BFSP1: variants seen among roughly 807,000 people sequenced by gnomAD.
BFSP1 encodes beaded filament structural protein 1.
Under a neutral mutation model 43.9 loss-of-function variants are expected in BFSP1, and 38 were observed. That is an observed-to-expected ratio of 0.87 (90% CI 0.67 to 1.14). BFSP1 has a LOEUF of 1.14. Ranked by LOEUF, BFSP1 falls within the 50% of genes most tolerant of loss-of-function variation. The pLI is 0.00. For missense variants in BFSP1, 850 were observed against 875.1 expected (o/e 0.97, Z 0.36); for synonymous variants, 352 against 354.8 (o/e 0.99, Z 0.09).
intron 1 of BFSP1, among the ~76,000 whole-genome samples, chr20:17,526,330 C>T (rs1055460136): frequency 1.3e-5 from 2 of 152,134 alleles, no homozygotes; most frequent in Non-Finnish European, 2.9e-5. Context: ...ACTCCCCATT[C>T]TCCCCATCCC....
At chr20:17,535,012 C>A (rs1282575591), upstream of BFSP1, among the ~76,000 whole-genome samples, 1 of 151,932 alleles carries the variant, frequency 6.6e-6, no homozygotes, top group Non-Finnish European at 1.5e-5. Flanking sequence ...CAGAGTGAGA[C>A]TCCATCTCAA....
At chr20:17,526,141 C>CGGGGGG (rs55674499) in intron 1 of BFSP1, among the ~76,000 whole-genome samples, 1 of 18,850 alleles carries the variant, frequency 5.3e-5, no homozygotes, top group African/African-American at 2.0e-4. Context: ...TTCTGTATGG[C>CGGGGGG]GGGGGGGGGG....
At position 17,508,420 on chromosome 20, in the gene BFSP1, G is replaced by A. The variant is rs117263759; in HGVS notation, c.735+469C>T. 2.1e-3 allele frequency among the ~76,000 whole-genome samples: 327 copies of A among 152,314 alleles called. 1 individual carries two copies. The highest frequency in any genetic ancestry group is 3.9e-3 in the Non-Finnish European group (266 of 68,014). Reference sequence around the variant, plus strand: ...AAACACTGATACAACCACTCTTGCCGGGTTGTAATCAAATTCCGAAGGAGA... The same window carrying A: ...AAACACTGATACAACCACTCTTGCCAGGTTGTAATCAAATTCCGAAGGAGA... On this transcript the variant is annotated intron_variant, in intron 5 of 7. Coordinates refer to ENST00000377873, the MANE Select transcript of BFSP1 (RefSeq NM_001195.5).
Position 17,494,594 on chromosome 20 carries a change from C to G in BFSP1, c.1478G>C (p.Gly493Ala), listed in dbSNP as rs776178192. ...RFYVSSITAK[G>A]GVAVSVAEDS... Reference sequence around the variant, plus strand: ...TTCCGCAACAGAAACAGCCACCCCACCTTTAGCTGTGATGGAGGAGACATA... The same window carrying G: ...TTCCGCAACAGAAACAGCCACCCCAGCTTTAGCTGTGATGGAGGAGACATA... The change falls in exon 8 of 8, where the codon GGT becomes GCT. Residue 493 changes from glycine to alanine, a missense_variant. Transcript: ENST00000377873. The G allele has an allele frequency of 6.2e-7, 1 of 1,614,190 alleles. No individual in the cohort carries two copies. The highest frequency in any genetic ancestry group is 1.3e-5 in the African/African-American group (1 of 75,038).
rs138926048 is a variant in BFSP1 at position 17,519,505 on chromosome 20, C to T, written c.439-4689G>A. ...GACTGATGCAGTGCATCATTGAACT[C>T]GTGAATGGAAGTTAGTGGAAGATAA... is the stretch of plus-strand genomic sequence containing the variant. On this transcript the variant is annotated intron_variant, in intron 2 of 7. Transcript: ENST00000377873. 7.1e-3 allele frequency among the ~76,000 whole-genome samples: 1,080 copies of T among 152,330 alleles called. 7 individuals carry two copies. Among genetic ancestry groups the T allele is most frequent in the Non-Finnish European group, 0.012 (798 of 68,034 alleles).
intron 4 of BFSP1, among the ~76,000 whole-genome samples, chr20:17,510,735 A>C (rs1331233303): frequency 6.6e-6 from 1 of 152,086 alleles, no homozygotes; most frequent in Admixed American, 6.5e-5. Flanking sequence ...GGCAGGCCCC[A>C]CCTCCTGGGA....
intron 1 of BFSP1, among the ~76,000 whole-genome samples, chr20:17,556,537 A>C (rs968314613): frequency 6.6e-6 from 1 of 152,130 alleles, no homozygotes; most frequent in African/African-American, 2.4e-5. Flanking sequence ...AAAAAAACAC[A>C]GGAACACAAA....
upstream of BFSP1, chr20:17,531,402 C>T (rs968657523): frequency 1.1e-5 from 14 of 1,273,736 alleles, no homozygotes; most frequent in African/African-American, 3.2e-5. Flanking sequence ...GCCCGCAGCC[C>T]GCTAAATAAA....
intron 1 of BFSP1, among the ~76,000 whole-genome samples, chr20:17,556,409 G>A (rs2034991191): frequency 6.6e-6 from 1 of 151,996 alleles, no homozygotes; most frequent in Non-Finnish European, 1.5e-5. Flanking sequence ...GAGGTGGAAG[G>A]ATCTCTTGAA....
intron 7 of BFSP1, 92 bp downstream of exon 7, chr20:17,496,846 T>C: frequency 1.7e-6 from 2 of 1,157,228 alleles, no homozygotes; most frequent in Non-Finnish European, 2.4e-6. Flanking sequence ...CAGATGGATC[T>C]GAAGCAAGCA....
At chr20:17,558,353 A>C (rs953503960) in intron 1 of BFSP1, among the ~76,000 whole-genome samples, 22 of 152,176 alleles carry the variant, frequency 1.4e-4, no homozygotes, top group Admixed American at 2.6e-4. Context: ...GGAAAAACAA[A>C]TGGAACTTTG....
chr20:17,494,137 G>A lies in BFSP1; in HGVS notation c.1935C>T (p.Ile645=), dbSNP rs201721549. ...SIQTYEETAV[I]VETMIGKTKS... ...TTGTCTTTCCAATCATGGTCTCCAC[G>A]ATCACAGCGGTTTCTTCATATGTCT... is the stretch of plus-strand genomic sequence containing the variant. The change falls in exon 8 of 8, where the codon ATC becomes ATT. Residue 645 remains isoleucine (I), a synonymous_variant. Coordinates refer to ENST00000377873, the MANE Select transcript of BFSP1 (RefSeq NM_001195.5). The A allele has an allele frequency of 1.1e-5, 18 of 1,614,082 alleles. No homozygotes were observed. Among genetic ancestry groups the A allele is most frequent in the Middle Eastern group, 1.7e-4 (1 of 6,060 alleles).
intron 7 of BFSP1, among the ~76,000 whole-genome samples, chr20:17,496,673 A>G (rs917501949): frequency 5.9e-5 from 9 of 152,186 alleles, no homozygotes; most frequent in African/African-American, 1.9e-4. Flanking sequence ...AAACAAATAT[A>G]AAAATACAAA....
At chr20:17,520,149 A>T (rs2034285889) in intron 2 of BFSP1, among the ~76,000 whole-genome samples, 1 of 151,964 alleles carries the variant, frequency 6.6e-6, no homozygotes, top group Non-Finnish European at 1.5e-5. Context: ...ACTCCAGCAG[A>T]TGCCAGACCT....
chr20:17,553,180 A>G (rs1176035585), intron 1 of BFSP1, among the ~76,000 whole-genome samples: 2 of 152,132 alleles, frequency 1.3e-5, no homozygotes, highest in African/African-American at 2.4e-5. Context: ...AAAGTGTTTC[A>G]AAGTGAAGAG....
chr20:17,568,269 T>C (rs542948307), intron 1 of BFSP1, among the ~76,000 whole-genome samples: 3 of 152,194 alleles, frequency 2.0e-5, no homozygotes, highest in Non-Finnish European at 4.4e-5. Context: ...AGTCTTATGT[T>C]TGGACCTAAC....
At chr20:17,531,495 A>G, upstream of BFSP1, 1 of 1,033,480 alleles carries the variant, frequency 9.7e-7, no homozygotes, top group Non-Finnish European at 1.2e-6. Context: ...GCGCGGGAGA[A>G]GAAAAGAGCA....
At chr20:17,511,555 C>T (rs1568690580) in intron 4 of BFSP1, among the ~76,000 whole-genome samples, 1 of 152,142 alleles carries the variant, frequency 6.6e-6, no homozygotes, top group South Asian at 2.1e-4. Context: ...CAAATTAAAA[C>T]CACCACCATT....
chr20:17,509,038 A>G (rs1357733614), intron 4 of BFSP1, 42 bp from the exon 5 acceptor site: 1 of 1,445,444 alleles, frequency 6.9e-7, no homozygotes, highest in Admixed American at 2.6e-5. Flanking sequence ...GGACATGCAG[A>G]GAGGAAAAGG....
Sources: gnomAD v4.1 joint callset for allele counts (sites outside exome capture counted in the v4.1 genomes callset) on GRCh38, gnomAD v4.1.1 for gene constraint, MANE v1.5 for transcripts, NCBI Gene and HGNC (gene_info 2026-07-23, HGNC 2026-07-21) for gene names.